GTF2IRD1: variants seen among roughly 807,000 people sequenced by gnomAD.
The protein encoded by GTF2IRD1 is general transcription factor II-I repeat domain-containing protein 1.
GTF2IRD1 carries 26 observed loss-of-function variants against 113.2 expected under a neutral mutation model. The ratio of observed to expected loss-of-function variants is 0.23; its 90% confidence interval spans 0.17 to 0.32. The LOEUF (loss-of-function observed/expected upper bound fraction) is 0.32, where lower values mean the gene tolerates loss of function less well. Among genes scored for constraint, GTF2IRD1 ranks in the 10% least tolerant of loss-of-function variants. GTF2IRD1 has a pLI of 1.00. For synonymous variants in GTF2IRD1, 484 were observed against 529.1 expected, an observed-to-expected ratio of 0.91 and a Z score of 1.17; for missense variants, 864 against 1,280.8, an observed-to-expected ratio of 0.67 and a Z score of 4.97.
At chr7:74,462,100 G>A (rs797034752) in intron 1 of GTF2IRD1, among the ~76,000 whole-genome samples, 30 of 152,186 alleles carry the variant, frequency 2.0e-4, no homozygotes, top group African/African-American at 7.0e-4. Flanking sequence ...TTAGCCAGGC[G>A]AGGTGGCTCA....
chr7:74,535,121 A>G lies in GTF2IRD1; in HGVS notation c.1283A>G (p.Asp428Gly). The G allele has an allele frequency of 6.2e-7, 1 of 1,613,168 alleles. No homozygotes were observed. Among genetic ancestry groups the G allele is most frequent in the Non-Finnish European group, 8.5e-7 (1 of 1,179,236 alleles). ...CTCTCTTCTCTCCCCAGGATGTTTGATGAGCGAATTTTCACAGGTATGTGG... is the reference window on the plus strand; with the variant it reads ...CTCTCTTCTCTCCCCAGGATGTTTGGTGAGCGAATTTTCACAGGTATGTGG... ...SIHFIIKRMF[D>G]ERIFTGNKFT... Residue 428 changes from aspartate to glycine, a missense_variant, in exon 10 of 27, where the codon GAT (aspartate) becomes GGT (glycine). Asp to Gly is a moderately conservative substitution (Grantham distance 94). This residue lies in a region of GTF2IRD1 where 218 missense variants were observed against 352.6 expected (regional missense o/e 0.62). Coordinates refer to ENST00000424337, the MANE Select transcript of GTF2IRD1 (RefSeq NM_005685.4).
At chr7:74,573,947 CT>C (rs1554363563) in intron 22 of GTF2IRD1, among the ~76,000 whole-genome samples, 1 of 152,096 alleles carries the variant, frequency 6.6e-6, no homozygotes, top group African/African-American at 2.4e-5. Flanking sequence ...AGATACTGGT[CT>C]TTTATTATTA....
intron 17 of GTF2IRD1, among the ~76,000 whole-genome samples, chr7:74,553,888 C>CTTTTCTA (rs1228152634): frequency 1.3e-5 from 2 of 152,202 alleles, no homozygotes; most frequent in African/African-American, 4.8e-5. Context: ...AGTCCGAAGC[C>CTTTTCTA]TTTTCTAGCT....
chr7:74,600,939 G>T, intron 25 of GTF2IRD1, 105 bp from the exon 26 acceptor site: 4 of 1,239,004 alleles, frequency 3.2e-6, no homozygotes, highest in Middle Eastern at 2.0e-4. Context: ...AATCCTGAAA[G>T]GGGGACTCGA....
At chr7:74,502,708 C>T (rs1434220878) in intron 1 of GTF2IRD1, among the ~76,000 whole-genome samples, 2 of 152,170 alleles carry the variant, frequency 1.3e-5, no homozygotes, top group African/African-American at 4.8e-5. Flanking sequence ...TCTTGGCGGC[C>T]GGCAAATCTG....
At chr7:74,477,171 C>T (rs1794464024) in intron 1 of GTF2IRD1, among the ~76,000 whole-genome samples, 1 of 152,034 alleles carries the variant, frequency 6.6e-6, no homozygotes, top group South Asian at 2.1e-4. Flanking sequence ...TGAGACCAGC[C>T]TGGCCAACAT....
chr7:74,503,937 C>T (rs1489225710), intron 1 of GTF2IRD1, among the ~76,000 whole-genome samples: 2 of 152,002 alleles, frequency 1.3e-5, no homozygotes, highest in African/African-American at 2.4e-5. Context: ...GAGGCCTCAG[C>T]GTCTGTCATT....
intron 1 of GTF2IRD1, among the ~76,000 whole-genome samples, chr7:74,467,036 C>T (rs1030266771): frequency 2.6e-5 from 4 of 151,470 alleles, no homozygotes; most frequent in Non-Finnish European, 5.9e-5. Context: ...CTGCAACCTC[C>T]GCCTCATGGG....
At chr7:74,487,853 A>T (rs1199625887) in intron 1 of GTF2IRD1, among the ~76,000 whole-genome samples, 1 of 152,248 alleles carries the variant, frequency 6.6e-6, no homozygotes, top group Non-Finnish European at 1.5e-5. Flanking sequence ...GGACATTTTT[A>T]AAAGAATTAC....
intron 1 of GTF2IRD1, among the ~76,000 whole-genome samples, chr7:74,485,303 T>C (rs1278564998): frequency 6.6e-6 from 1 of 152,124 alleles, no homozygotes; most frequent in Non-Finnish European, 1.5e-5. Flanking sequence ...AGACGAGTCT[T>C]GGAGACTGAG....
intron 25 of GTF2IRD1, 63 bp downstream of exon 25, chr7:74,595,114 A>C: frequency 8.0e-7 from 1 of 1,248,716 alleles, no homozygotes; most frequent in Non-Finnish European, 1.2e-6. Context: ...TTCCATTTGA[A>C]AAAAGGTAGA....
In GTF2IRD1 at chr7:74,473,014, A is replaced by G. The variant is rs562001973; in HGVS notation, c.-7+18838A>G. Reference sequence around the variant, plus strand: ...GCGGAGGAGAGGAGAGAGTGCGGTGAAGGCTGGCAAGTGGTTGATTATGGG... The same window carrying G: ...GCGGAGGAGAGGAGAGAGTGCGGTGGAGGCTGGCAAGTGGTTGATTATGGG... On this transcript the variant is annotated intron_variant, in intron 1 of 26. Transcript: ENST00000424337. Among the ~76,000 whole-genome samples the G allele has an allele frequency of 7.2e-5, 11 of 152,296 alleles. No homozygotes were observed. The East Asian group carries it at 2.1e-3, about 29-fold the overall frequency.
chr7:74,538,211 C>T (rs113950522), intron 12 of GTF2IRD1, 38 bp downstream of exon 12: 49 of 1,604,852 alleles, frequency 3.1e-5, no homozygotes, highest in African/African-American at 1.1e-4. Context: ...TGTGGTGGGC[C>T]GGGAGGGCAA....
At position 74,600,752 on chromosome 7, in the gene GTF2IRD1, G is replaced by A. The variant is rs75425913; in HGVS notation, c.2630-292G>A. Among the ~76,000 whole-genome samples, 670 of 152,222 alleles carry A rather than the reference G, an allele frequency of 4.4e-3. 6 individuals carry two copies. The highest frequency in any genetic ancestry group is 0.015 in the African/African-American group (632 of 41,534). ...AGAGGACCTAGGGCCTAAGGGGTGAGCTTGCTGGGGAGGAGGAGGGACACA... is the reference window on the plus strand; with the variant it reads ...AGAGGACCTAGGGCCTAAGGGGTGAACTTGCTGGGGAGGAGGAGGGACACA... On this transcript the variant is annotated intron_variant, in intron 25 of 26. Coordinates refer to ENST00000424337, the MANE Select transcript of GTF2IRD1 (RefSeq NM_005685.4).
rs782623972 is a variant in GTF2IRD1 at position 74,519,600 on chromosome 7, C to A, written c.797C>A (p.Ala266Asp). 5 of 1,612,678 alleles carry A rather than the reference C, an allele frequency of 3.1e-6. No homozygotes were observed. In the Admixed American group the frequency reaches 6.7e-5, roughly 22 times the overall value. ...FLYSTALPNH[A>D]IRELKQEAPS... ...TACAGCACGGCGCTCCCCAACCACG[C>A]CATCCGAGAGCTCAAGCAGGAAGCA... is the stretch of plus-strand genomic sequence containing the variant. Residue 266 changes from alanine to aspartate, a missense_variant, in exon 6 of 27, where the codon GCC becomes GAC. Ala to Asp is a moderately radical substitution (Grantham distance 126). Around this residue, in one of 7 missense-constraint regions of GTF2IRD1, gnomAD observed 195 missense variants for 196.6 expected, o/e 0.99. Coordinates refer to ENST00000424337, the MANE Select transcript of GTF2IRD1 (RefSeq NM_005685.4).
intron 13 of GTF2IRD1, among the ~76,000 whole-genome samples, chr7:74,539,457 G>A (rs1413093001): frequency 2.0e-5 from 3 of 151,470 alleles, no homozygotes; most frequent in African/African-American, 7.3e-5. Context: ...CAAAAAAAAA[G>A]AAATGACTGG....
rs1554343474 is a variant in GTF2IRD1, at chr7:74,512,981, C to G, written c.265+10C>G. ...TTCCTCAGGTTCTGCCGTGAGTACC[C>G]CAGGGCTCCGGAGGGCCGGGCCCGC... On this transcript the variant is annotated intron_variant, in intron 3 of 26. Coordinates refer to ENST00000424337, the MANE Select transcript of GTF2IRD1 (RefSeq NM_005685.4). This position sits in a 1 kb window ranked among gnomAD's most constrained non-coding sequence, Gnocchi z 4.4. 3.1e-6 allele frequency: 5 copies of G among 1,612,278 alleles called. No homozygotes were observed. Among genetic ancestry groups the G allele is most frequent in the Non-Finnish European group, 3.4e-6 (4 of 1,179,220 alleles).
chr7:74,596,281 C>CTA (rs2131054000), intron 25 of GTF2IRD1, among the ~76,000 whole-genome samples: 1 of 151,832 alleles, frequency 6.6e-6, no homozygotes, highest in African/African-American at 2.4e-5. Flanking sequence ...GGTCAACATG[C>CTA]TAAACCCTGT....
intron 22 of GTF2IRD1, among the ~76,000 whole-genome samples, chr7:74,580,020 T>C (rs1801317543): frequency 6.6e-6 from 1 of 152,042 alleles, no homozygotes; most frequent in Admixed American, 6.6e-5. Flanking sequence ...GGTCCACAGG[T>C]CTCTGCCCCG....
Sources: gnomAD v4.1 joint callset for allele counts (sites outside exome capture counted in the v4.1 genomes callset) on GRCh38, gnomAD v4.1.1 for gene constraint, gnomAD v4.1.1 regional missense constraint, Gnocchi (gnomAD v3.1) non-coding constraint, MANE v1.5 for transcripts, NCBI Gene and HGNC (gene_info 2026-07-23, HGNC 2026-07-21) for gene names.